NEK4: variants seen among roughly 807,000 people sequenced by gnomAD.
The protein encoded by NEK4 is NIMA related kinase 4, also known as serine/threonine-protein kinase Nek4.
NEK4 carries 86 observed loss-of-function variants against 98.4 expected under a neutral mutation model. That is an observed-to-expected ratio of 0.87 (90% CI 0.73 to 1.05). NEK4 has a LOEUF of 1.05. Among genes scored for constraint, NEK4 ranks in the 50% least tolerant of loss-of-function variants. The probability of loss-of-function intolerance (pLI) is 0.00; values close to 1 mark genes in which losing one functional copy is unlikely to be tolerated. For missense variants in NEK4, 898 were observed against 950.3 expected (o/e 0.94, Z 0.72); for synonymous variants, 328 against 342.2 (o/e 0.96, Z 0.46).
At chr3:52,730,862 G>C (rs2097368951) in intron 15 of NEK4, among the ~76,000 whole-genome samples, 1 of 152,114 alleles carries the variant, frequency 6.6e-6, no homozygotes, top group Non-Finnish European at 1.5e-5. Context: ...GTAGATGGGT[G>C]GTTGCCAGGG....
intron 15 of NEK4, among the ~76,000 whole-genome samples, chr3:52,715,113 C>T (rs1282570458): frequency 1.3e-5 from 2 of 152,222 alleles, no homozygotes; most frequent in Non-Finnish European, 2.9e-5. Context: ...GAGCAAAGGC[C>T]GGGTACCAGG....
intron 6 of NEK4, among the ~76,000 whole-genome samples, chr3:52,752,955 A>ACACACCCACACACACACACACAC (rs1559441493): frequency 7.9e-6 from 1 of 125,992 alleles, no homozygotes; most frequent in African/African-American, 3.4e-5. Context: ...CACACACACA[A>ACACACCCACACACACACACACAC]TGGAATATTT....
At chr3:52,751,886 C>T in intron 7 of NEK4, 46 bp downstream of exon 7, 1 of 1,540,452 alleles carries the variant, frequency 6.5e-7, no homozygotes, top group Non-Finnish European at 8.8e-7. Context: ...ACTGCACTTT[C>T]AGTCTTCTCT....
intron 15 of NEK4, among the ~76,000 whole-genome samples, chr3:52,737,118 G>C (rs959635692): frequency 2.6e-5 from 4 of 151,998 alleles, no homozygotes; most frequent in Non-Finnish European, 5.9e-5. Context: ...TATATTTTTA[G>C]TAGAGATGAG....
intron 15 of NEK4, chr3:52,733,488 CCTCA>C: frequency 2.4e-6 from 1 of 422,946 alleles, no homozygotes; most frequent in Non-Finnish European, 4.6e-6. Context: ...ACAAATTTTC[CCTCA>C]CTCAACAGAG....
chr3:52,755,719 AG>A (rs1433510659), intron 6 of NEK4, among the ~76,000 whole-genome samples: 1 of 152,164 alleles, frequency 6.6e-6, no homozygotes, highest in Non-Finnish European at 1.5e-5. Context: ...AAAAAATAAA[AG>A]GCATCAAAAT....
intron 15 of NEK4, among the ~76,000 whole-genome samples, chr3:52,734,120 G>T (rs979186971): frequency 1.3e-5 from 2 of 152,098 alleles, no homozygotes; most frequent in Non-Finnish European, 2.9e-5. Flanking sequence ...AGCACTTGAG[G>T]AGGCCAAGGC....
intron 10 of NEK4, among the ~76,000 whole-genome samples, chr3:52,744,762 T>C (rs1263022627): frequency 6.7e-6 from 1 of 149,786 alleles, no homozygotes; most frequent in African/African-American, 2.4e-5. Flanking sequence ...GGTCTTGCGC[T>C]GGACTTAGAG....
chr3:52,767,007 T>A (rs57656055), intron 2 of NEK4, among the ~76,000 whole-genome samples: 7 of 149,474 alleles, frequency 4.7e-5, no homozygotes, highest in Non-Finnish European at 1.0e-4. Context: ...AAAAAAAAAA[T>A]ATGTTTACAG....
At chr3:52,754,464 A>C (rs2097411146) in intron 6 of NEK4, 5 of 641,048 alleles carry the variant, frequency 7.8e-6, no homozygotes, top group Non-Finnish European at 1.5e-5. Flanking sequence ...AAAGTGGTTG[A>C]CAGTGTTAAG....
Position 52,737,723 on chromosome 3 carries a change from A to T in NEK4, c.2300-4T>A. ...TTTTCAGAACCTGGCATAATAGCTAAAAGGCAACAACAAAGACAAAGGGAA... is the reference window on the plus strand; with the variant it reads ...TTTTCAGAACCTGGCATAATAGCTATAAGGCAACAACAAAGACAAAGGGAA... On this transcript the variant is annotated splice_polypyrimidine_tract_variant and splice_region_variant and intron_variant, in intron 14 of 15. Coordinates refer to ENST00000233027, the MANE Select transcript of NEK4 (RefSeq NM_003157.6). The T allele has an allele frequency of 6.2e-7, 1 of 1,603,182 alleles. No homozygotes were observed. The highest frequency in any genetic ancestry group is 8.5e-7 in the Non-Finnish European group (1 of 1,174,012).
At chr3:52,742,900 C>T (rs2097389131) in intron 12 of NEK4, among the ~76,000 whole-genome samples, 2 of 152,200 alleles carry the variant, frequency 1.3e-5, no homozygotes, top group Non-Finnish European at 2.9e-5. Context: ...AGTGATCCTT[C>T]CACCTCAGCC....
At chr3:52,747,595 T>C (rs1017516825) in intron 8 of NEK4, 1 of 151,962 alleles carries the variant, frequency 6.6e-6, no homozygotes, top group African/African-American at 2.4e-5. Flanking sequence ...AATAATGAAG[T>C]CTTTTGAACA....
intron 1 of NEK4, among the ~76,000 whole-genome samples, chr3:52,769,517 A>G (rs777152945): frequency 6.6e-5 from 10 of 152,252 alleles, no homozygotes; most frequent in Non-Finnish European, 1.3e-4. Context: ...TGAAGTGTAA[A>G]CTAAAGCTCA....
At chr3:52,759,839 C>G (rs1698293078) in intron 6 of NEK4, among the ~76,000 whole-genome samples, 1 of 152,146 alleles carries the variant, frequency 6.6e-6, no homozygotes, top group Non-Finnish European at 1.5e-5. Context: ...CAGATGTCTA[C>G]TAATGGATGA....
rs550254064 is a variant in NEK4 at position 52,751,852 on chromosome 3, G to T, written c.1368+80C>A. On this transcript the variant is annotated intron_variant, in intron 7 of 15. Coordinates refer to ENST00000233027, the MANE Select transcript of NEK4 (RefSeq NM_003157.6). Reference sequence around the variant, plus strand: ...ATAGAATTACTGATTTTCCTAAAATGACAACAGAACCCACATATTTGTAAC... The same window carrying T: ...ATAGAATTACTGATTTTCCTAAAATTACAACAGAACCCACATATTTGTAAC... 5.2e-6 allele frequency: 7 copies of T among 1,340,604 alleles called. No individual in the cohort carries two copies. In the African/African-American group the frequency reaches 1.0e-4, roughly 20 times the overall value. 83.0% of individuals were successfully genotyped at this position (1,340,604 alleles called of 1,614,324 possible). A position where few individuals can be genotyped will look rare whatever the true frequency, so the allele number is the denominator to read the frequency against.
intron 6 of NEK4, among the ~76,000 whole-genome samples, chr3:52,760,075 G>A (rs530591740): frequency 2.0e-5 from 3 of 152,206 alleles, no homozygotes; most frequent in Non-Finnish European, 4.4e-5. Flanking sequence ...GGACAAAATG[G>A]GAGTGACTGC....
chr3:52,757,251 C>T (rs995651451), intron 6 of NEK4, among the ~76,000 whole-genome samples: 2 of 152,052 alleles, frequency 1.3e-5, no homozygotes, highest in Non-Finnish European at 2.9e-5. Flanking sequence ...GGTTATATAC[C>T]CAACAAAAGA....
intron 14 of NEK4, among the ~76,000 whole-genome samples, chr3:52,738,313 G>A (rs1012476400): frequency 9.9e-5 from 15 of 151,314 alleles, no homozygotes; most frequent in African/African-American, 2.9e-4. Flanking sequence ...ATGTTGTCCC[G>A]GTTGGTCTTG....
Sources: gnomAD v4.1 joint callset for allele counts (sites outside exome capture counted in the v4.1 genomes callset) on GRCh38, gnomAD v4.1.1 for gene constraint, MANE v1.5 for transcripts, NCBI Gene and HGNC (gene_info 2026-07-23, HGNC 2026-07-21) for gene names.